GRID2: variants seen among roughly 807,000 people sequenced by gnomAD.
GRID2 encodes glutamate ionotropic receptor delta type subunit 2, also known as glutamate receptor ionotropic, delta-2.
In GRID2, 33 loss-of-function variants were observed where a neutral mutation model predicts 114.8. The observed-to-expected ratio is 0.29, with a 90% CI of 0.22 to 0.38. GRID2 has a LOEUF of 0.38. Ranked by LOEUF, GRID2 falls within the 10% of genes least tolerant of loss-of-function variation. The pLI, the probability that GRID2 is intolerant of heterozygous loss-of-function variation, is 1.00. For missense variants in GRID2, 1,184 were observed against 1,257.7 expected, an observed-to-expected ratio of 0.94 and a Z score of 0.89; for synonymous variants, 505 against 449.9, an observed-to-expected ratio of 1.12 and a Z score of -1.55.
intron 1 of GRID2, among the ~76,000 whole-genome samples, chr4:92,349,132 T>G (rs1041694598): frequency 6.6e-6 from 1 of 152,072 alleles, no homozygotes; most frequent in Admixed American, 6.6e-5. Flanking sequence ...CTTGGCTTTT[T>G]AAACTACACA....
At chr4:93,578,556 T>A (rs568040486) in intron 13 of GRID2, among the ~76,000 whole-genome samples, 1 of 149,554 alleles carries the variant, frequency 6.7e-6, no homozygotes, top group Non-Finnish European at 1.5e-5. Flanking sequence ...TATCACAAAC[T>A]CCAGAAAAAG....
intron 8 of GRID2, among the ~76,000 whole-genome samples, chr4:93,315,362 A>G (rs1756474673): frequency 6.6e-6 from 1 of 152,170 alleles, no homozygotes; most frequent in South Asian, 2.1e-4. Flanking sequence ...ACATTTTATA[A>G]TGGAAAGTTT....
intron 2 of GRID2, among the ~76,000 whole-genome samples, chr4:92,619,643 T>C (rs1730172342): frequency 1.3e-5 from 2 of 151,742 alleles, no homozygotes; most frequent in African/African-American, 4.8e-5. Context: ...CTGTTGGTTT[T>C]TATGGCTTTC....
chr4:93,650,876 A>G (rs970956662), intron 14 of GRID2, among the ~76,000 whole-genome samples: 2 of 151,156 alleles, frequency 1.3e-5, no homozygotes, highest in African/African-American at 4.9e-5. Flanking sequence ...GTTTAAAAGG[A>G]GTTGTCCCTT....
At chr4:93,473,956 G>C (rs1376644702) in intron 11 of GRID2, among the ~76,000 whole-genome samples, 1 of 151,914 alleles carries the variant, frequency 6.6e-6, no homozygotes, top group Admixed American at 6.6e-5. Flanking sequence ...TGCCTTTTGG[G>C]AAAAGGAAAG....
At chr4:92,541,020 A>G (rs1363405550) in intron 1 of GRID2, among the ~76,000 whole-genome samples, 1 of 152,156 alleles carries the variant, frequency 6.6e-6, no homozygotes, top group Non-Finnish European at 1.5e-5. Context: ...GGAAACCATC[A>G]TTCTCAGCAA....
intron 2 of GRID2, among the ~76,000 whole-genome samples, chr4:92,904,806 A>T (rs1481269203): frequency 2.0e-5 from 3 of 152,048 alleles, no homozygotes; most frequent in South Asian, 2.1e-4. Flanking sequence ...AAAGAACTTT[A>T]GATTAATGAA....
chr4:92,450,927 T>C (rs947155411), intron 1 of GRID2, among the ~76,000 whole-genome samples: 6 of 149,356 alleles, frequency 4.0e-5, no homozygotes, highest in Non-Finnish European at 5.9e-5. Flanking sequence ...TTTAAATAAA[T>C]TTAAATTAAA....
At chr4:92,596,140 T>C (rs1728941138) in intron 2 of GRID2, among the ~76,000 whole-genome samples, 1 of 152,154 alleles carries the variant, frequency 6.6e-6, no homozygotes, top group Non-Finnish European at 1.5e-5. Context: ...TTTTCTGAAT[T>C]GTCTGACAAT....
At chr4:93,376,431 C>T (rs938532165) in intron 8 of GRID2, among the ~76,000 whole-genome samples, 17 of 151,154 alleles carry the variant, frequency 1.1e-4, no homozygotes, top group African/African-American at 3.7e-4. Context: ...CAATCTAGCT[C>T]GGGAAACTAC....
At chr4:93,163,358 A>ATG (rs1560941550) in intron 4 of GRID2, among the ~76,000 whole-genome samples, 4 of 89,966 alleles carry the variant, frequency 4.4e-5, no homozygotes, top group African/African-American at 1.8e-4. Flanking sequence ...TTTTTTGTGT[A>ATG]TATATATATA....
intron 2 of GRID2, among the ~76,000 whole-genome samples, chr4:92,932,809 A>G (rs970558238): frequency 6.6e-6 from 1 of 151,372 alleles, no homozygotes; most frequent in Non-Finnish European, 1.5e-5. Flanking sequence ...GTCAGATATA[A>G]AAAGTATATA....
intron 2 of GRID2, among the ~76,000 whole-genome samples, chr4:92,743,783 C>A (rs1737012409): frequency 6.6e-6 from 1 of 152,156 alleles, no homozygotes; most frequent in African/African-American, 2.4e-5. Flanking sequence ...ATCTCATCTG[C>A]TATTCTCCTG....
chr4:92,900,366 C>T (rs2085364), intron 2 of GRID2, among the ~76,000 whole-genome samples: 93,016 of 152,022 alleles, frequency 0.61, 30,121 homozygotes, highest in African/African-American at 0.82. Context: ...TTCATCAGAA[C>T]TGTATACATT....
At chr4:93,451,154 A>G (rs150002523) in intron 10 of GRID2, among the ~76,000 whole-genome samples, 183 of 152,182 alleles carry the variant, frequency 1.2e-3, no homozygotes, top group Non-Finnish European at 2.0e-3. Flanking sequence ...TGTGATATGT[A>G]ATTTTTTTAA....
chr4:92,409,985 G>T (rs1157238259), intron 1 of GRID2, among the ~76,000 whole-genome samples: 1 of 152,132 alleles, frequency 6.6e-6, no homozygotes, highest in African/African-American at 2.4e-5. Context: ...TTCTCCCTTG[G>T]AGTAGTCTCT....
chr4:92,501,567 T>A (rs375362583), intron 1 of GRID2, among the ~76,000 whole-genome samples: 7 of 152,130 alleles, frequency 4.6e-5, no homozygotes, highest in African/African-American at 1.7e-4. Flanking sequence ...CATTCTGCCT[T>A]CTTCCTCTAA....
At chr4:92,639,713 A>G (rs749865933) in intron 2 of GRID2, among the ~76,000 whole-genome samples, 7 of 151,746 alleles carry the variant, frequency 4.6e-5, no homozygotes, top group Non-Finnish European at 1.0e-4. Context: ...CATGATATAT[A>G]TACTAAAAGC....
At chr4:92,953,361 A>G (rs1050193178) in intron 2 of GRID2, among the ~76,000 whole-genome samples, 1 of 152,186 alleles carries the variant, frequency 6.6e-6, no homozygotes, top group East Asian at 1.9e-4. Context: ...TGAAAGCTCT[A>G]TGCATATAAT....
Sources: gnomAD v4.1 joint callset for allele counts (sites outside exome capture counted in the v4.1 genomes callset) on GRCh38, gnomAD v4.1.1 for gene constraint, MANE v1.5 for transcripts, NCBI Gene and HGNC (gene_info 2026-07-23, HGNC 2026-07-21) for gene names.